FSIP1: variants seen among roughly 807,000 people sequenced by gnomAD.
FSIP1 encodes the protein fibrous sheath-interacting protein 1.
In FSIP1, 65 loss-of-function variants were observed where a neutral mutation model predicts 60.9. That is an observed-to-expected ratio of 1.07 (90% CI 0.87 to 1.31). The LOEUF (loss-of-function observed/expected upper bound fraction) is 1.31. Among genes scored for constraint, FSIP1 ranks in the 40% most tolerant of loss-of-function variants. The probability of loss-of-function intolerance (pLI) is 0.00; values close to 1 mark genes in which losing one functional copy is unlikely to be tolerated. For synonymous variants in FSIP1, 209 were observed against 221.2 expected (o/e 0.94, Z 0.49); for missense variants, 675 against 665.5 (o/e 1.01, Z -0.16).
At chr15:39,652,894 G>C in intron 10 of FSIP1, among the ~76,000 whole-genome samples, 1 of 151,710 alleles carries the variant, frequency 6.6e-6, no homozygotes. Context: ...ACGGTATGCA[G>C]GCTGAATACA....
intron 1 of FSIP1, 107 bp from the exon 2 acceptor site, chr15:39,776,638 G>A: frequency 2.0e-6 from 2 of 1,019,586 alleles, no homozygotes; most frequent in Non-Finnish European, 2.8e-6. Context: ...TAAAGATTAT[G>A]TTGCTACTGA....
intron 11 of FSIP1, among the ~76,000 whole-genome samples, chr15:39,601,175 T>A (rs1036745927): frequency 2.0e-5 from 3 of 152,200 alleles, no homozygotes; most frequent in Non-Finnish European, 2.9e-5. Flanking sequence ...GGAGCTAAAA[T>A]GATTATGGAT....
At position 39,679,083 on chromosome 15, in the gene FSIP1, G is replaced by A. The variant is rs537111275; in HGVS notation, c.1188+34361C>T. Among the ~76,000 whole-genome samples, 5 of 152,270 alleles carry A rather than the reference G, an allele frequency of 3.3e-5. No homozygotes were observed. In the South Asian group the frequency reaches 1.0e-3, roughly 32 times the overall value. ...AGCAGAGTTTACTAAGCTGTTTAGT[G>A]TCTTTGAATCAGTTTTTCTCTTTGT... On this transcript the variant is annotated intron_variant, in intron 10 of 11. Transcript: ENST00000350221.
chr15:39,723,888 A>G (rs1317625959), intron 9 of FSIP1, among the ~76,000 whole-genome samples: 1 of 152,258 alleles, frequency 6.6e-6, no homozygotes, highest in Non-Finnish European at 1.5e-5. Flanking sequence ...CCATGTTAGC[A>G]TTCCTGCTTT....
At chr15:39,677,852 T>C (rs1894003043) in intron 10 of FSIP1, among the ~76,000 whole-genome samples, 1 of 151,968 alleles carries the variant, frequency 6.6e-6, no homozygotes, top group Non-Finnish European at 1.5e-5. Flanking sequence ...AAAAATTGGC[T>C]GGGTGTGGTG....
intron 9 of FSIP1, among the ~76,000 whole-genome samples, chr15:39,716,233 T>C (rs917646927): frequency 1.3e-5 from 2 of 152,188 alleles, no homozygotes; most frequent in Non-Finnish European, 2.9e-5. Flanking sequence ...GTAGGACACA[T>C]GGTAATCTGC....
chr15:39,733,970 G>GA (rs1371762643), intron 8 of FSIP1, among the ~76,000 whole-genome samples: 4 of 151,946 alleles, frequency 2.6e-5, no homozygotes, highest in African/African-American at 9.7e-5. Context: ...CCCAAAAGGA[G>GA]AAAAAAGAGA....
At chr15:39,623,916 C>A (rs1254420308) in intron 10 of FSIP1, among the ~76,000 whole-genome samples, 1 of 152,242 alleles carries the variant, frequency 6.6e-6, no homozygotes, top group Non-Finnish European at 1.5e-5. Flanking sequence ...TGCTTTCTCA[C>A]AACCTCAGCT....
chr15:39,673,090 C>A (rs376605948), intron 10 of FSIP1, among the ~76,000 whole-genome samples: 54 of 152,282 alleles, frequency 3.5e-4, no homozygotes, highest in African/African-American at 1.3e-3. Context: ...TGGACTCTAA[C>A]GCATATGTCA....
intron 10 of FSIP1, among the ~76,000 whole-genome samples, chr15:39,699,192 G>A (rs1477899099): frequency 1.3e-5 from 2 of 152,194 alleles, no homozygotes; most frequent in Non-Finnish European, 2.9e-5. Context: ...CTAGTTACAA[G>A]GGAGTCTGAG....
intron 9 of FSIP1, 143 bp from the exon 10 acceptor site, chr15:39,713,724 T>A: frequency 1.5e-6 from 1 of 676,062 alleles, no homozygotes; most frequent in South Asian, 2.8e-5. Flanking sequence ...TATAACGCTT[T>A]AAAGTCTTCC....
At chr15:39,686,334 AATAAATTT>A (rs1894372774) in intron 10 of FSIP1, among the ~76,000 whole-genome samples, 1 of 152,268 alleles carries the variant, frequency 6.6e-6, no homozygotes, top group African/African-American at 2.4e-5. Flanking sequence ...TTTAACAAAA[AATAAATTT>A]AAAAAATGAG....
rs1481298188 is a variant in FSIP1 at position 39,676,105 on chromosome 15, G to A, written c.1188+37339C>T. ...GAAGAATGGCGTGAACCCGGAAGGC[G>A]GAGGTTGCAGTGAGCCAAAATCGCG... On this transcript the variant is annotated intron_variant, in intron 10 of 11. Transcript: ENST00000350221. Among the ~76,000 whole-genome samples the A allele has an allele frequency of 7.9e-5, 12 of 151,352 alleles. No individual in the cohort carries two copies. The East Asian group carries it at 9.7e-4, about 12-fold the overall frequency.
rs143931951 is a variant in FSIP1 at position 39,738,109 on chromosome 15, G to A, written c.873C>T (p.Ser291=). The change falls in exon 8 of 12, where the codon TCC becomes TCT. Residue 291 remains serine, a synonymous_variant. Transcript: ENST00000350221. The stretch of plus-strand genomic sequence containing the variant: ...TACGTACCTCAGAACTGGAGAGCCC[G>A]GAATCTTTCTCATCCAAGTCCTTCA... ...ELLKDLDEKD[S]GLSSSEGDQS... The A allele has an allele frequency of 6.8e-5, 110 of 1,610,348 alleles. No homozygotes were observed. The African/African-American group carries it at 1.0e-3, about 15-fold the overall frequency.
At chr15:39,749,734 C>T (rs1897109655) in intron 5 of FSIP1, among the ~76,000 whole-genome samples, 2 of 151,932 alleles carry the variant, frequency 1.3e-5, no homozygotes, top group Admixed American at 1.3e-4. Flanking sequence ...GAAAGCTTTT[C>T]CTCTGAGATC....
At chr15:39,720,479 T>G (rs1297127462) in intron 9 of FSIP1, among the ~76,000 whole-genome samples, 2 of 152,242 alleles carry the variant, frequency 1.3e-5, no homozygotes, top group Non-Finnish European at 2.9e-5. Context: ...GGAGAGCCAT[T>G]TCTGAGGCCC....
At chr15:39,645,551 T>C (rs1193954649) in intron 10 of FSIP1, among the ~76,000 whole-genome samples, 1 of 151,972 alleles carries the variant, frequency 6.6e-6, no homozygotes, top group African/African-American at 2.4e-5. Flanking sequence ...TGGGTGCAGC[T>C]GGAGCCACGG....
chr15:39,698,965 G>A (rs1441946648), intron 10 of FSIP1, among the ~76,000 whole-genome samples: 1 of 152,188 alleles, frequency 6.6e-6, no homozygotes, highest in Non-Finnish European at 1.5e-5. Context: ...AAGAGGTGAT[G>A]CAATAGCTTT....
chr15:39,782,394 A>G (rs1397629561), intron 1 of FSIP1, among the ~76,000 whole-genome samples: 1 of 152,232 alleles, frequency 6.6e-6, no homozygotes, highest in Non-Finnish European at 1.5e-5. Flanking sequence ...GGGAAAGTAG[A>G]AGCCTTGGTT....
Sources: gnomAD v4.1 joint callset for allele counts (sites outside exome capture counted in the v4.1 genomes callset) on GRCh38, gnomAD v4.1.1 for gene constraint, MANE v1.5 for transcripts, NCBI Gene and HGNC (gene_info 2026-07-23, HGNC 2026-07-21) for gene names.